NIPAL3: variants seen among roughly 807,000 people sequenced by gnomAD.
The protein encoded by NIPAL3 is NIPA-like protein 3.
In NIPAL3, 41 loss-of-function variants were observed where a neutral mutation model predicts 47.2. The ratio of observed to expected loss-of-function variants is 0.87; its 90% CI spans 0.68 to 1.13. NIPAL3 has a LOEUF of 1.13. Among genes scored for constraint, NIPAL3 ranks in the 50% most tolerant of loss-of-function variants. The pLI, the probability that NIPAL3 is intolerant of heterozygous loss-of-function variation, is 0.00. For synonymous variants in NIPAL3, 194 were observed against 209.6 expected (o/e 0.93, Z 0.64); for missense variants, 449 against 530.1 (o/e 0.85, Z 1.50).
At position 24,442,080 on chromosome 1, in the gene NIPAL3, G is replaced by T; in HGVS notation, c.188G>T (p.Gly63Val). 6.2e-7 allele frequency: 1 copy of T among 1,613,998 alleles called. No individual in the cohort carries two copies. The highest frequency in any genetic ancestry group is 8.5e-7 in the Non-Finnish European group (1 of 1,179,928). Residue 63 changes from glycine to valine, a missense_variant, in exon 4 of 12, where the codon GGC (glycine) becomes GTC (valine). Coordinates refer to ENST00000374399, the MANE Select transcript of NIPAL3 (RefSeq NM_020448.5). Reference protein sequence around the residue: ...LQKYCHIRLAGSKDPRAYFKT... With the variant: ...LQKYCHIRLAVSKDPRAYFKT... ...AAGTACTGCCACATCCGCCTGGCAG[G>T]CTCCAAGGATCCCCGGGCCTATTTC...
intron 2 of NIPAL3, among the ~76,000 whole-genome samples, chr1:24,438,701 G>T (rs1362261876): frequency 6.6e-6 from 1 of 152,188 alleles, no homozygotes; most frequent in African/African-American, 2.4e-5. Context: ...GTTAACTGCC[G>T]ATTCCCTAGG....
intron 10 of NIPAL3, among the ~76,000 whole-genome samples, chr1:24,463,451 A>G (rs1646566411): frequency 6.6e-6 from 1 of 152,142 alleles, no homozygotes; most frequent in Admixed American, 6.5e-5. Context: ...CCCAAGTAAA[A>G]TTCATTCAGC....
chr1:24,422,617 A>G (rs1402863032), intron 2 of NIPAL3, among the ~76,000 whole-genome samples: 4 of 152,192 alleles, frequency 2.6e-5, no homozygotes, highest in African/African-American at 9.7e-5. Context: ...TCTTCAGGTA[A>G]ATCAGATAAT....
intron 2 of NIPAL3, among the ~76,000 whole-genome samples, chr1:24,437,108 C>T (rs1478706776): frequency 3.3e-5 from 5 of 151,742 alleles, no homozygotes; most frequent in African/African-American, 9.7e-5. Context: ...AAATAATAGC[C>T]GGGCGAGGTG....
intron 2 of NIPAL3, among the ~76,000 whole-genome samples, chr1:24,420,333 C>A (rs1182099429): frequency 3.9e-5 from 6 of 152,030 alleles, no homozygotes; most frequent in African/African-American, 1.5e-4. Context: ...GATACCCCGC[C>A]TGTACAAAAC....
Position 24,440,164 on chromosome 1 carries a change from C to T in NIPAL3, c.94-8C>T, listed in dbSNP as rs763080507. On this transcript the variant is annotated splice_region_variant and splice_polypyrimidine_tract_variant and intron_variant, in intron 2 of 11. Coordinates refer to ENST00000374399, the MANE Select transcript of NIPAL3 (RefSeq NM_020448.5). The stretch of plus-strand genomic sequence containing the variant: ...AATCATGTCCACTCCTGTGAACTTT[C>T]CTTACAGGAAAACCTGATTGGCGCC... The T allele has an allele frequency of 7.6e-6, 12 of 1,577,190 alleles. No homozygotes were observed. The highest frequency in any genetic ancestry group is 1.4e-5 in the African/African-American group (1 of 73,846).
rs1284786161 is a variant in NIPAL3 at position 24,431,361 on chromosome 1, G to C, written c.94-8811G>C. 2.6e-5 allele frequency among the ~76,000 whole-genome samples: 4 copies of C among 152,152 alleles called. No homozygotes were observed. The East Asian group carries it at 7.7e-4, about 29-fold the overall frequency. ...AAAAAACTGCCGTGAAAGGTGAAAT[G>C]AGAAAGCGGAACATACGAAAAGCTG... On this transcript the variant is annotated intron_variant, in intron 2 of 11. Coordinates refer to ENST00000374399, the MANE Select transcript of NIPAL3 (RefSeq NM_020448.5).
chr1:24,464,225 GACTGTTCTCTC>G, intron 11 of NIPAL3, 105 bp downstream of exon 11: 1 of 780,240 alleles, frequency 1.3e-6, no homozygotes, highest in Non-Finnish European at 2.0e-6. Context: ...TTTATCGTGT[GACTGTTCTCTC>G]ACTGTCTTTT....
At chr1:24,444,042 G>A (rs1015729144) in intron 4 of NIPAL3, among the ~76,000 whole-genome samples, 1 of 150,770 alleles carries the variant, frequency 6.6e-6, no homozygotes, top group African/African-American at 2.4e-5. Flanking sequence ...AAGAGGCCAA[G>A]TTATAATGAT....
chr1:24,439,032 G>A (rs4648987), intron 2 of NIPAL3, among the ~76,000 whole-genome samples: 37,677 of 151,932 alleles, frequency 0.25, 5,014 homozygotes, highest in East Asian at 0.45. Flanking sequence ...TAGACACGGG[G>A]GACTCCAAAA....
chr1:24,451,718 A>G lies in NIPAL3; in HGVS notation c.541-1690A>G, dbSNP rs1246942876. Among the ~76,000 whole-genome samples, 1 of 150,506 alleles carries G rather than the reference A, an allele frequency of 6.6e-6. No individual in the cohort carries two copies. The highest frequency in any genetic ancestry group is 1.5e-5 in the Non-Finnish European group (1 of 67,534). On this transcript the variant is annotated intron_variant, in intron 6 of 11. Transcript: ENST00000374399. This position sits in a 1 kb window ranked among gnomAD's most constrained non-coding sequence, Gnocchi z 4.5. ...GACCCTGTCTCAAAAAAAGAAAAAG[A>G]AAAAAAAAATCATGGAGAATGGCTG... is the stretch of plus-strand genomic sequence containing the variant.
At chr1:24,426,496 T>C (rs1225678068) in intron 2 of NIPAL3, among the ~76,000 whole-genome samples, 1 of 152,172 alleles carries the variant, frequency 6.6e-6, no homozygotes, top group Non-Finnish European at 1.5e-5. Flanking sequence ...GGTTTCACCA[T>C]GTTGACCAGG....
chr1:24,416,400 A>G lies in NIPAL3; in HGVS notation c.-258+496A>G. 1 of 915,088 alleles carries G rather than the reference A, an allele frequency of 1.1e-6. No homozygotes were observed. Among genetic ancestry groups the G allele is most frequent in the Non-Finnish European group, 1.3e-6 (1 of 765,748 alleles). The allele number at this position is 915,088 out of a possible 1,614,324, so 56.7% of individuals were successfully genotyped here. On this transcript the variant is annotated intron_variant, in intron 1 of 11. Transcript: ENST00000374399. The surrounding 1 kb of genome is among the most constrained non-coding windows in gnomAD (Gnocchi z 4.8). ...TGGCAGGGAACTGGCGCTCACCTCC[A>G]GAAGCCAGATCGTCGGGTGGTGGGA...
chr1:24,447,942 C>G (rs1451090399), intron 5 of NIPAL3, among the ~76,000 whole-genome samples: 2 of 152,244 alleles, frequency 1.3e-5, no homozygotes, highest in Non-Finnish European at 2.9e-5. Flanking sequence ...CCATTACATT[C>G]AGCAAACATT....
In NIPAL3 at chr1:24,416,360, G is replaced by T; in HGVS notation, c.-258+456G>T. 1 of 983,448 alleles carries T rather than the reference G, an allele frequency of 1.0e-6. No individual in the cohort carries two copies. The highest frequency in any genetic ancestry group is 1.2e-6 in the Non-Finnish European group (1 of 828,130). 60.9% of individuals were successfully genotyped at this position (983,448 alleles called of 1,614,324 possible). A position where few individuals can be genotyped will look rare whatever the true frequency, so the allele number is the denominator to read the frequency against. The stretch of plus-strand genomic sequence containing the variant: ...TGTAACCTTCTCGTGAGCCAAAGCC[G>T]AGGAACGGGAAGCTTGGCAGGGAAC... On this transcript the variant is annotated intron_variant, in intron 1 of 11. Coordinates refer to ENST00000374399, the MANE Select transcript of NIPAL3 (RefSeq NM_020448.5). This position sits in a 1 kb window ranked among gnomAD's most constrained non-coding sequence, Gnocchi z 4.8.
At chr1:24,429,031 T>C (rs1407004675) in intron 2 of NIPAL3, among the ~76,000 whole-genome samples, 1 of 152,196 alleles carries the variant, frequency 6.6e-6, no homozygotes, top group African/African-American at 2.4e-5. Context: ...GGCCATCTCA[T>C]CTTGGTCTCT....
At position 24,441,517 on chromosome 1, in the gene NIPAL3, A is replaced by G. The variant is rs564455731; in HGVS notation, c.163-538A>G. On this transcript the variant is annotated intron_variant, in intron 3 of 11. Transcript: ENST00000374399. ...CAAAAAAGAATATTGACCATGCTTG[A>G]GCCACGTATCCACCCCAGGGAGAGC... 3.3e-5 allele frequency among the ~76,000 whole-genome samples: 5 copies of G among 152,258 alleles called. No individual in the cohort carries two copies. The East Asian group carries it at 7.7e-4, about 24-fold the overall frequency.
rs34807044 is a variant in NIPAL3, at chr1:24,419,553, C to G, written c.6C>G (p.Asp2Glu). Reference protein sequence around the residue: MDGSHSAALKLQ... With the variant: MEGSHSAALKLQ... The stretch of plus-strand genomic sequence containing the variant: ...GGATGCGCCACTAGACCACCATGGA[C>G]GGATCCCACAGCGCAGCCCTGAAGC... Residue 2 changes from aspartate (D) to glutamate (E), a missense_variant, in exon 2 of 12, where the codon GAC becomes GAG. Asp to Glu is a conservative substitution (Grantham distance 45). Transcript: ENST00000374399. 6.2e-7 allele frequency: 1 copy of G among 1,613,392 alleles called. No homozygotes were observed. Among genetic ancestry groups the G allele is most frequent in the Admixed American group, 1.7e-5 (1 of 59,988 alleles).
chr1:24,421,137 G>A (rs1267761663), intron 2 of NIPAL3, among the ~76,000 whole-genome samples: 1 of 152,062 alleles, frequency 6.6e-6, no homozygotes, highest in Non-Finnish European at 1.5e-5. Context: ...GGGCAAACAT[G>A]ATGAAACCCT....
Sources: gnomAD v4.1 joint callset for allele counts (sites outside exome capture counted in the v4.1 genomes callset) on GRCh38, gnomAD v4.1.1 for gene constraint, Gnocchi (gnomAD v3.1) non-coding constraint, MANE v1.5 for transcripts, NCBI Gene and HGNC (gene_info 2026-07-23, HGNC 2026-07-21) for gene names.